The following SNX25 variants were observed in gnomAD, a reference collection of about 807,000 sequenced individuals.
SNX25 encodes the protein sorting nexin-25.
In SNX25, 62 loss-of-function variants were observed where a neutral mutation model predicts 113.7. The ratio of observed to expected loss-of-function variants is 0.55; its 90% CI spans 0.44 to 0.67. SNX25 has a LOEUF of 0.67. Among genes scored for constraint, SNX25 ranks in the 30% least tolerant of loss-of-function variants. SNX25 has a pLI of 0.00. For missense variants in SNX25, 1,014 were observed against 1,161.0 expected, an observed-to-expected ratio of 0.87 and a Z score of 1.84; for synonymous variants, 421 against 436.2, an observed-to-expected ratio of 0.97 and a Z score of 0.43.
chr4:185,244,285 A>G (rs985277330), intron 1 of SNX25, among the ~76,000 whole-genome samples: 2 of 152,124 alleles, frequency 1.3e-5, no homozygotes, highest in Non-Finnish European at 2.9e-5. Flanking sequence ...GAGCCACCGC[A>G]CCCGGCCAGG....
downstream of SNX25, chr4:185,370,608 T>C (rs761809240): frequency 1.9e-6 from 3 of 1,602,370 alleles, no homozygotes; most frequent in African/African-American, 2.7e-5. Context: ...AGTTTCTCTT[T>C]GGGTGAATTT....
chr4:185,214,574 TA>T (rs1738469314), intron 1 of SNX25, among the ~76,000 whole-genome samples: 2 of 151,876 alleles, frequency 1.3e-5, no homozygotes, highest in East Asian at 3.9e-4. Flanking sequence ...CCCTGTACCT[TA>T]AAAAAATAAA....
At position 185,342,114 on chromosome 4, in the gene SNX25, G is replaced by A; in HGVS notation, c.2185G>A (p.Glu729Lys). The A allele has an allele frequency of 6.3e-7, 1 of 1,596,710 alleles. No individual in the cohort carries two copies. Among genetic ancestry groups the A allele is most frequent in the Non-Finnish European group, 8.5e-7 (1 of 1,173,230 alleles). ...EFQNLHRKLS[E>K]CVPSLKKVQL... ...TCAGAATTTACACCGGAAACTCAGTGAGGTATGAATACTCATGAACGCAGT... is the reference window on the plus strand; with the variant it reads ...TCAGAATTTACACCGGAAACTCAGTAAGGTATGAATACTCATGAACGCAGT... Residue 729 changes from glutamate (E) to lysine (K), a missense_variant and splice_region_variant, in exon 12 of 19, where the codon GAG (glutamate) becomes AAG (lysine). Physicochemically the swap from Glu to Lys is moderately conservative, Grantham distance 56. Transcript: ENST00000652585.
At chr4:185,303,045 A>G (rs1753936739) in intron 6 of SNX25, among the ~76,000 whole-genome samples, 1 of 152,204 alleles carries the variant, frequency 6.6e-6, no homozygotes, top group African/African-American at 2.4e-5. Flanking sequence ...TTTTATAACA[A>G]ATAAAGCTCA....
intron 6 of SNX25, among the ~76,000 whole-genome samples, chr4:185,301,363 C>A (rs1269602272): frequency 6.6e-6 from 1 of 152,146 alleles, no homozygotes; most frequent in African/African-American, 2.4e-5. Context: ...ATCTCTTCAT[C>A]TGTATCGTTA....
At chr4:185,331,805 G>A (rs1251584752) in intron 9 of SNX25, among the ~76,000 whole-genome samples, 1 of 152,036 alleles carries the variant, frequency 6.6e-6, no homozygotes, top group African/African-American at 2.4e-5. Flanking sequence ...AAAAACCCAT[G>A]ACAACAGCCT....
intron 1 of SNX25, among the ~76,000 whole-genome samples, chr4:185,214,446 A>G (rs538379721): frequency 9.2e-5 from 14 of 151,762 alleles, no homozygotes; most frequent in African/African-American, 3.4e-4. Context: ...GGTGGTGCAC[A>G]TCTGCAGTCC....
chr4:185,312,959 T>G (rs1048677435), intron 7 of SNX25, among the ~76,000 whole-genome samples: 3 of 152,166 alleles, frequency 2.0e-5, no homozygotes, highest in Non-Finnish European at 2.9e-5. Flanking sequence ...ATAGTTATGG[T>G]CATTTGCTAT....
At chr4:185,370,872 A>C, downstream of SNX25, 1 of 1,562,948 alleles carries the variant, frequency 6.4e-7, no homozygotes. Context: ...AGTGTTTGTA[A>C]AACGATGCGC....
At chr4:185,285,918 G>A (rs938679874) in intron 5 of SNX25, among the ~76,000 whole-genome samples, 8 of 148,406 alleles carry the variant, frequency 5.4e-5, no homozygotes, top group Admixed American at 5.3e-4. Context: ...TACTACAGGT[G>A]TGCGCCACCA....
intron 1 of SNX25, among the ~76,000 whole-genome samples, chr4:185,244,802 A>G (rs1293712008): frequency 2.6e-5 from 4 of 152,238 alleles, no homozygotes; most frequent in Non-Finnish European, 4.4e-5. Context: ...AAAAAATTCC[A>G]CTAAGAAATC....
At chr4:185,239,446 G>GCAC (rs1743271673) in intron 1 of SNX25, among the ~76,000 whole-genome samples, 1 of 151,012 alleles carries the variant, frequency 6.6e-6, no homozygotes, top group Non-Finnish European at 1.5e-5. Flanking sequence ...TCGCACCGCT[G>GCAC]CACTCCAGCC....
intron 6 of SNX25, among the ~76,000 whole-genome samples, chr4:185,304,821 C>G (rs1295148891): frequency 3.9e-5 from 6 of 152,176 alleles, no homozygotes; most frequent in East Asian, 1.9e-4. Flanking sequence ...AAGAAAGATT[C>G]AACAGCTGGT....
chr4:185,350,612 C>CA (rs1446910604), intron 13 of SNX25, among the ~76,000 whole-genome samples: 13 of 152,186 alleles, frequency 8.5e-5, no homozygotes, highest in African/African-American at 3.1e-4. Flanking sequence ...CCTGTAATCC[C>CA]AGCACTTTGG....
the SNX25 span, chr4:185,378,575 C>A: frequency 1.0e-6 from 1 of 1,003,330 alleles, no homozygotes; most frequent in Non-Finnish European, 1.2e-6. Flanking sequence ...GCACTGGTAC[C>A]TTCTCTGCCC....
the SNX25 span, chr4:185,376,831 A>G: frequency 1.0e-6 from 1 of 972,860 alleles, no homozygotes; most frequent in Non-Finnish European, 1.6e-6. Context: ...CACAGTAAGA[A>G]ACTCTACATG....
Position 185,334,560 on chromosome 4 carries a change from T to G in SNX25, c.1914+1801T>G, listed in dbSNP as rs2095217338. On this transcript the variant is annotated intron_variant, in intron 10 of 18. Coordinates refer to ENST00000652585, the MANE Select transcript of SNX25 (RefSeq NM_001378034.2). This position sits in a 1 kb window ranked among gnomAD's most constrained non-coding sequence, Gnocchi z 4.2. ...GCTGGCATGGCAGATAATCAGTATC[T>G]GCAATATGGCATGTTCTTTAAGAAC... Among the ~76,000 whole-genome samples, 1 of 152,238 alleles carries G rather than the reference T, an allele frequency of 6.6e-6. No homozygotes were observed.
At chr4:185,241,304 C>T (rs933103557) in intron 1 of SNX25, among the ~76,000 whole-genome samples, 10 of 152,176 alleles carry the variant, frequency 6.6e-5, no homozygotes, top group Admixed American at 5.2e-4. Flanking sequence ...AGCGAAACCC[C>T]GTCTCCACCA....
intron 2 of SNX25, among the ~76,000 whole-genome samples, chr4:185,249,661 A>G (rs1457659658): frequency 7.2e-6 from 1 of 139,850 alleles, no homozygotes. Flanking sequence ...TAGGATGATG[A>G]TGATTTTTTT....
Sources: gnomAD v4.1 joint callset for allele counts (sites outside exome capture counted in the v4.1 genomes callset) on GRCh38, gnomAD v4.1.1 for gene constraint, Gnocchi (gnomAD v3.1) non-coding constraint, MANE v1.5 for transcripts, NCBI Gene and HGNC (gene_info 2026-07-23, HGNC 2026-07-21) for gene names.